Variants in LGR6 observed in about 807,000 individuals in gnomAD.
LGR6 encodes leucine-rich repeat-containing G protein-coupled receptor 6.
Under a neutral mutation model 69.4 loss-of-function variants are expected in LGR6, and 45 were observed. The ratio of observed to expected loss-of-function variants is 0.65; its 90% CI spans 0.51 to 0.83. The LOEUF is 0.83. Among genes scored for constraint, LGR6 ranks in the 40% least tolerant of loss-of-function variants. LGR6 has a pLI of 0.00. For synonymous variants in LGR6, 538 were observed against 555.0 expected, an observed-to-expected ratio of 0.97 and a Z score of 0.43; for missense variants, 1,108 against 1,246.7, an observed-to-expected ratio of 0.89 and a Z score of 1.68.
chr1:202,215,671 C>T (rs369398002), intron 1 of LGR6, among the ~76,000 whole-genome samples: 30 of 152,294 alleles, frequency 2.0e-4, no homozygotes, highest in African/African-American at 6.7e-4. Context: ...ATCTGTCTTC[C>T]GTCCCTCTTC....
chr1:202,297,592 G>A lies in LGR6; in HGVS notation c.785+16G>A. The stretch of plus-strand genomic sequence containing the variant: ...TGCAGGAACTGTAAGCGCCTCTTTT[G>A]GTTTCTGTGGGTGTCCTTCTGTCCC... On this transcript the variant is annotated intron_variant, in intron 7 of 17. Coordinates refer to ENST00000367278, the MANE Select transcript of LGR6 (RefSeq NM_001017403.2). 1 of 1,610,186 alleles carries A rather than the reference G, an allele frequency of 6.2e-7. No individual in the cohort carries two copies. Among genetic ancestry groups the A allele is most frequent in the Non-Finnish European group, 8.5e-7 (1 of 1,177,268 alleles).
chr1:202,202,226 A>C (rs1658863878), intron 1 of LGR6, among the ~76,000 whole-genome samples: 1 of 152,034 alleles, frequency 6.6e-6, no homozygotes, highest in Non-Finnish European at 1.5e-5. Context: ...GTTCTGTCCC[A>C]CTCCCTGGGG....
At chr1:202,292,251 T>C (rs1666847846) in intron 6 of LGR6, among the ~76,000 whole-genome samples, 1 of 152,186 alleles carries the variant, frequency 6.6e-6, no homozygotes. Flanking sequence ...GTTTTGCATT[T>C]TAAAAAGATC....
At chr1:202,297,845 C>T (rs560396346) in intron 7 of LGR6, among the ~76,000 whole-genome samples, 1 of 152,344 alleles carries the variant, frequency 6.6e-6, no homozygotes, top group South Asian at 2.1e-4. Flanking sequence ...AAACCCATGG[C>T]ACAAGCCACC....
chr1:202,236,260 G>C (rs1401645176), intron 4 of LGR6: 1 of 507,230 alleles, frequency 2.0e-6, no homozygotes, highest in Non-Finnish European at 3.5e-6. Flanking sequence ...CTCCCTAGGT[G>C]AGGCCACCAG....
intron 5 of LGR6, among the ~76,000 whole-genome samples, chr1:202,278,556 C>G (rs1229920329): frequency 1.3e-5 from 2 of 152,032 alleles, no homozygotes; most frequent in Admixed American, 1.3e-4. Context: ...CCCTTCATCC[C>G]TCACCTGCCT....
intron 4 of LGR6, among the ~76,000 whole-genome samples, chr1:202,256,509 C>T (rs1663786846): frequency 6.6e-6 from 1 of 152,232 alleles, no homozygotes; most frequent in African/African-American, 2.4e-5. Context: ...TCCCAAAGTA[C>T]TAGGATTACA....
intron 4 of LGR6, among the ~76,000 whole-genome samples, chr1:202,253,307 CTT>C (rs200198062): frequency 1.4e-5 from 2 of 144,942 alleles, no homozygotes; most frequent in African/African-American, 2.5e-5. Flanking sequence ...TCCTAATACT[CTT>C]TTTTTTTTTT....
At chr1:202,263,829 C>G (rs1664426471) in intron 4 of LGR6, among the ~76,000 whole-genome samples, 1 of 152,152 alleles carries the variant, frequency 6.6e-6, no homozygotes. Context: ...GCAAGAGGCA[C>G]ATTTGCATAT....
At chr1:202,224,935 C>T (rs1488171527) in intron 1 of LGR6, among the ~76,000 whole-genome samples, 3 of 152,228 alleles carry the variant, frequency 2.0e-5, no homozygotes, top group Admixed American at 6.5e-5. Context: ...ACAGTCGTAC[C>T]AGTTCATGAA....
rs199692167 is a variant in LGR6, at chr1:202,318,625, C to T, written c.2322C>T (p.His774=). ...EAVWDCAMVR[H]VAWLIFADGL... is the part of the protein sequence containing the mutation. Reference sequence around the variant, plus strand: ...TGTGGGACTGCGCCATGGTGAGGCACGTGGCCTGGCTCATCTTCGCAGACG... The same window carrying T: ...TGTGGGACTGCGCCATGGTGAGGCATGTGGCCTGGCTCATCTTCGCAGACG... The change falls in exon 18 of 18, where the codon CAC becomes CAT. Residue 774 remains histidine, a synonymous_variant. Transcript: ENST00000367278. The T allele has an allele frequency of 2.9e-5, 46 of 1,613,804 alleles. No homozygotes were observed. Among genetic ancestry groups the T allele is most frequent in the African/African-American group, 4.0e-5 (3 of 74,934 alleles).
intron 9 of LGR6, 94 bp from the exon 10 acceptor site, chr1:202,303,185 G>A (rs1467945809): frequency 1.1e-6 from 1 of 930,524 alleles, no homozygotes; most frequent in Non-Finnish European, 1.8e-6. Context: ...CCCCAAAGGA[G>A]GAGTCCCGGA....
chr1:202,310,317 A>G lies in LGR6; in HGVS notation c.1527A>G (p.Lys509=). ...DLHLDDEESS[K]RPLGLLARQA... is the part of the protein sequence containing the mutation. Reference sequence around the variant, plus strand: ...ACCTTGATGATGAGGAGTCTTCAAAAAGGCCCCTGGGCCTCCTTGCCAGAC... The same window carrying G: ...ACCTTGATGATGAGGAGTCTTCAAAGAGGCCCCTGGGCCTCCTTGCCAGAC... The change falls in exon 16 of 18, where the codon AAA becomes AAG. Residue 509 remains lysine (K), a synonymous_variant. Coordinates refer to ENST00000367278, the MANE Select transcript of LGR6 (RefSeq NM_001017403.2). 6.2e-7 allele frequency: 1 copy of G among 1,613,998 alleles called. No homozygotes were observed. Among genetic ancestry groups the G allele is most frequent in the South Asian group, 1.1e-5 (1 of 91,066 alleles).
At chr1:202,251,163 A>G (rs994838429) in intron 4 of LGR6, among the ~76,000 whole-genome samples, 1 of 152,162 alleles carries the variant, frequency 6.6e-6, no homozygotes, top group African/African-American at 2.4e-5. Context: ...TCCAGTTGCA[A>G]GCACTGGCTC....
chr1:202,205,992 CT>C (rs766148488), intron 1 of LGR6, among the ~76,000 whole-genome samples: 7 of 94,666 alleles, frequency 7.4e-5, no homozygotes, highest in Admixed American at 5.7e-4. Flanking sequence ...ACACACACCC[CT>C]AGTATGGGTC....
At chr1:202,211,632 A>G (rs537391689) in intron 1 of LGR6, among the ~76,000 whole-genome samples, 1 of 152,338 alleles carries the variant, frequency 6.6e-6, no homozygotes, top group South Asian at 2.1e-4. Context: ...AAGTGCTGGG[A>G]TTACAGGCGT....
At chr1:202,308,282 T>C (rs1422867191) in intron 14 of LGR6, among the ~76,000 whole-genome samples, 1 of 152,204 alleles carries the variant, frequency 6.6e-6, no homozygotes, top group African/African-American at 2.4e-5. Flanking sequence ...CTGTTTGCTC[T>C]AGTCCTGCCA....
intron 9 of LGR6, 42 bp downstream of exon 9, chr1:202,301,277 C>T: frequency 6.6e-7 from 1 of 1,507,496 alleles, no homozygotes; most frequent in South Asian, 1.1e-5. Flanking sequence ...GAACTTCCCC[C>T]TTTCCTCACT....
At chr1:202,300,960 GT>G in intron 8 of LGR6, 40 bp downstream of exon 8, 5 of 1,545,242 alleles carry the variant, frequency 3.2e-6, no homozygotes, top group Non-Finnish European at 4.5e-6. Flanking sequence ...GCCGAACAGT[GT>G]TTCAGGGAGG....
Sources: gnomAD v4.1 joint callset for allele counts (sites outside exome capture counted in the v4.1 genomes callset) on GRCh38, gnomAD v4.1.1 for gene constraint, MANE v1.5 for transcripts, NCBI Gene and HGNC (gene_info 2026-07-23, HGNC 2026-07-21) for gene names.